PIEZO2: variants seen among roughly 807,000 people sequenced by gnomAD.
PIEZO2 encodes piezo type mechanosensitive ion channel component 2, also known as piezo-type mechanosensitive ion channel component 2.
A neutral mutation model predicts 337.3 loss-of-function variants in PIEZO2; 172 were observed. The ratio of observed to expected loss-of-function variants is 0.51; its 90% CI spans 0.45 to 0.58. The LOEUF (loss-of-function observed/expected upper bound fraction) is 0.58, where lower values mean the gene tolerates loss of function less well. PIEZO2 is among the 20% of genes least tolerant of loss of function. The pLI, the probability that PIEZO2 is intolerant of heterozygous loss-of-function variation, is 0.00. For missense variants in PIEZO2, 3,028 were observed against 3,391.3 expected (o/e 0.89, Z 2.66); for synonymous variants, 1,251 against 1,228.5 (o/e 1.02, Z -0.38).
chr18:10,893,895 C>T (rs527630223), intron 4 of PIEZO2, among the ~76,000 whole-genome samples: 3 of 152,256 alleles, frequency 2.0e-5, no homozygotes, highest in South Asian at 4.1e-4. Flanking sequence ...CCTCCTGATA[C>T]CCAGGTGCTT....
chr18:11,023,178 G>C (rs935849032), intron 2 of PIEZO2, among the ~76,000 whole-genome samples: 1 of 152,098 alleles, frequency 6.6e-6, no homozygotes, highest in African/African-American at 2.4e-5. Flanking sequence ...AAGGGGACCC[G>C]ACCCAGTTGC....
intron 15 of PIEZO2, among the ~76,000 whole-genome samples, chr18:10,788,036 G>A (rs570668268): frequency 6.6e-6 from 1 of 152,254 alleles, no homozygotes; most frequent in South Asian, 2.1e-4. Flanking sequence ...AGCCTGAAAT[G>A]CAAAAGTATA....
At chr18:11,004,378 G>A (rs1419934131) in intron 2 of PIEZO2, among the ~76,000 whole-genome samples, 2 of 152,150 alleles carry the variant, frequency 1.3e-5, no homozygotes, top group Non-Finnish European at 2.9e-5. Context: ...AGACTGAATT[G>A]CTGCCCCCAC....
intron 2 of PIEZO2, among the ~76,000 whole-genome samples, chr18:11,051,001 G>T (rs2037503856): frequency 6.6e-6 from 1 of 151,966 alleles, no homozygotes; most frequent in South Asian, 2.1e-4. Flanking sequence ...ATATTTTGGG[G>T]GCAAGGCCTG....
intron 1 of PIEZO2, among the ~76,000 whole-genome samples, chr18:11,090,687 G>T (rs2039048666): frequency 1.3e-5 from 2 of 152,092 alleles, no homozygotes; most frequent in Admixed American, 6.5e-5. Flanking sequence ...AGAGAAGGGC[G>T]ATTCACGAGG....
chr18:11,134,701 T>G (rs1224869186), intron 1 of PIEZO2, among the ~76,000 whole-genome samples: 1 of 152,230 alleles, frequency 6.6e-6, no homozygotes, highest in Non-Finnish European at 1.5e-5. Context: ...CAGTAGACAC[T>G]AAGCTCTGAA....
At chr18:11,147,707 AG>A (rs556931001) in intron 1 of PIEZO2, among the ~76,000 whole-genome samples, 2 of 152,354 alleles carry the variant, frequency 1.3e-5, no homozygotes, top group South Asian at 4.1e-4. Flanking sequence ...TTTGAGGAGA[AG>A]ATCAGAAACG....
At chr18:11,137,290 A>G (rs1035513386) in intron 1 of PIEZO2, among the ~76,000 whole-genome samples, 1 of 152,198 alleles carries the variant, frequency 6.6e-6, no homozygotes, top group Non-Finnish European at 1.5e-5. Flanking sequence ...GGCAAGTCCT[A>G]AGTGTATGTA....
At chr18:10,896,307 A>T (rs188059092) in intron 4 of PIEZO2, among the ~76,000 whole-genome samples, 14 of 152,202 alleles carry the variant, frequency 9.2e-5, no homozygotes, top group Middle Eastern at 3.4e-3. Context: ...CCATCTGACA[A>T]TGTGGGGCGA....
At chr18:10,728,426 G>A (rs1269505359) in intron 36 of PIEZO2, 3 of 152,114 alleles carry the variant, frequency 2.0e-5, no homozygotes, top group East Asian at 3.9e-4. Context: ...ATATTATGAC[G>A]TATAAATGTT....
At position 10,856,756 on chromosome 18, in the gene PIEZO2, A is replaced by T. The variant is rs1289097437; in HGVS notation, c.703+245T>A. Among the ~76,000 whole-genome samples, 1 of 152,224 alleles carries T rather than the reference A, an allele frequency of 6.6e-6. No homozygotes were observed. Among genetic ancestry groups the T allele is most frequent in the Non-Finnish European group, 1.5e-5 (1 of 68,038 alleles). On this transcript the variant is annotated intron_variant, in intron 6 of 55. Coordinates refer to ENST00000674853, the MANE Select transcript of PIEZO2 (RefSeq NM_001378183.1). The surrounding 1 kb of genome is among the most constrained non-coding windows in gnomAD (Gnocchi z 4.7). ...AACCTAGAAAATGGAGTCGCTTAGC[A>T]TATATAGAAAAAGATTATTTTGCAG... is the stretch of plus-strand genomic sequence containing the variant.
At position 10,670,268 on chromosome 18, in the gene PIEZO2, A is replaced by C. The variant is rs2033713162; in HGVS notation, c.*1259T>G. ...AAAATGACTTTGCAGGATGTGCTTT[A>C]TTTTAAGTCAGCCCTGAACCCAAAC... On this transcript the variant is annotated 3_prime_UTR_variant, in exon 56 of 56. Coordinates refer to ENST00000674853, the MANE Select transcript of PIEZO2 (RefSeq NM_001378183.1). The C allele has an allele frequency of 6.6e-6, 1 of 152,154 alleles. No homozygotes were observed. Among genetic ancestry groups the C allele is most frequent in the Non-Finnish European group, 1.5e-5 (1 of 68,010 alleles). The allele number at this position is 152,154 out of a possible 1,614,324, so 9.4% of individuals were successfully genotyped here.
chr18:11,098,888 C>G (rs1354859715), intron 1 of PIEZO2, among the ~76,000 whole-genome samples: 1 of 152,078 alleles, frequency 6.6e-6, no homozygotes, highest in African/African-American at 2.4e-5. Flanking sequence ...GCCTTGAACT[C>G]CTAGGCTCAA....
At chr18:10,914,174 C>A (rs188936414) in intron 3 of PIEZO2, among the ~76,000 whole-genome samples, 1 of 151,944 alleles carries the variant, frequency 6.6e-6, no homozygotes, top group African/African-American at 2.4e-5. Context: ...CAGTCCAACA[C>A]GGGGAAAGTA....
rs982089106 is a variant in PIEZO2, at chr18:11,035,660, T to C, written c.160+30467A>G. 1.3e-5 allele frequency among the ~76,000 whole-genome samples: 2 copies of C among 152,098 alleles called. No homozygotes were observed. Among genetic ancestry groups the C allele is most frequent in the African/African-American group, 4.8e-5 (2 of 41,432 alleles). The stretch of plus-strand genomic sequence containing the variant: ...AAACAGCAGAGACCTCTAATATGCA[T>C]AGGAAGTCACTCTTATCCCTGAAGA... On this transcript the variant is annotated intron_variant, in intron 2 of 55. Coordinates refer to ENST00000674853, the MANE Select transcript of PIEZO2 (RefSeq NM_001378183.1). The surrounding 1 kb of genome is among the most constrained non-coding windows in gnomAD (Gnocchi z 4.3).
Position 10,761,037 on chromosome 18 carries a change from T to C in PIEZO2, c.3324A>G (p.Arg1108=). The change falls in exon 24 of 56, where the codon CGA becomes CGG. Residue 1108 remains arginine (R), a synonymous_variant. Coordinates refer to ENST00000674853, the MANE Select transcript of PIEZO2 (RefSeq NM_001378183.1). ...TAGACACAGGGGCCGTCAGGTTATT[T>C]CGACCTCGATAGTATTCCTGATGGC... ...IYRHQEYYRG[R]NNLTAPVSRT... 6.5e-7 allele frequency: 1 copy of C among 1,537,194 alleles called. No individual in the cohort carries two copies. The highest frequency in any genetic ancestry group is 8.7e-7 in the Non-Finnish European group (1 of 1,146,832).
In PIEZO2 at chr18:10,878,918, A is replaced by G. The variant is rs539787227; in HGVS notation, c.330-7503T>C. Among the ~76,000 whole-genome samples, 1 of 152,274 alleles carries G rather than the reference A, an allele frequency of 6.6e-6. No individual in the cohort carries two copies. The highest frequency in any genetic ancestry group is 1.9e-4 in the East Asian group (1 of 5,188). ...TAGTGCAGGTGGTGTTTTCACAATGAGTGTCAGGTGTGGTTAGGACTTTCA... is the reference window on the plus strand; with the variant it reads ...TAGTGCAGGTGGTGTTTTCACAATGGGTGTCAGGTGTGGTTAGGACTTTCA... On this transcript the variant is annotated intron_variant, in intron 4 of 55. Transcript: ENST00000674853. This position sits in a 1 kb window ranked among gnomAD's most constrained non-coding sequence, Gnocchi z 4.3.
Position 11,082,007 on chromosome 18 carries a change from G to A in PIEZO2, c.65-15785C>T, listed in dbSNP as rs570776505. ...GCTCCTGACCTCAGGTGATCCACCC[G>A]CCTCAGCCTCCCAAAGTGCTGGGAT... On this transcript the variant is annotated intron_variant, in intron 1 of 55. Transcript: ENST00000674853. Among the ~76,000 whole-genome samples the A allele has an allele frequency of 9.0e-4, 137 of 152,150 alleles. 1 individual carries two copies. The highest frequency in any genetic ancestry group is 2.2e-3 in the Admixed American group (34 of 15,286).
At chr18:11,081,918 C>T (rs1414552553) in intron 1 of PIEZO2, among the ~76,000 whole-genome samples, 1 of 152,076 alleles carries the variant, frequency 6.6e-6, no homozygotes, top group Non-Finnish European at 1.5e-5. Context: ...TGCCACCATG[C>T]CCAGTTAATT....
Sources: allele counts gnomAD v4.1 joint callset (sites outside exome capture counted in the v4.1 genomes callset), GRCh38; gene constraint gnomAD v4.1.1; non-coding constraint Gnocchi (gnomAD v3.1); transcripts MANE v1.5; gene names NCBI Gene and HGNC (gene_info 2026-07-23, HGNC 2026-07-21).